SKAP2: variants seen among roughly 807,000 people sequenced by gnomAD.
SKAP2 encodes the protein src kinase-associated phosphoprotein 2.
SKAP2 carries 28 observed loss-of-function variants against 54.9 expected under a neutral mutation model. The observed-to-expected ratio is 0.51, with a 90% CI of 0.38 to 0.70. SKAP2 has a LOEUF of 0.70. Among genes scored for constraint, SKAP2 ranks in the 30% least tolerant of loss-of-function variants. SKAP2 has a pLI of 0.00. For synonymous variants in SKAP2, 137 were observed against 134.3 expected, an observed-to-expected ratio of 1.02 and a Z score of -0.14; for missense variants, 356 against 424.1, an observed-to-expected ratio of 0.84 and a Z score of 1.41.
rs373397210 is a variant in SKAP2 at position 26,731,588 on chromosome 7, C to T, written c.470-4582G>A. 8.3e-4 allele frequency among the ~76,000 whole-genome samples: 127 copies of T among 152,276 alleles called. 1 individual carries two copies. The highest frequency in any genetic ancestry group is 2.9e-3 in the African/African-American group (120 of 41,560). On this transcript the variant is annotated intron_variant, in intron 6 of 12. Transcript: ENST00000345317. ...CATTTTCAAAACTGTTTATCCAAAT[C>T]TTCATCTGCTCACTAAATATGTTTC...
chr7:26,687,345 A>C (rs965543933), intron 10 of SKAP2, among the ~76,000 whole-genome samples: 1 of 151,764 alleles, frequency 6.6e-6, no homozygotes, highest in African/African-American at 2.4e-5. Flanking sequence ...AAAAAGATGC[A>C]TTTTCAACTG....
intron 1 of SKAP2, 48 bp downstream of exon 1, chr7:26,864,314 TC>T: frequency 6.2e-7 from 1 of 1,611,478 alleles, no homozygotes; most frequent in Non-Finnish European, 8.5e-7. Flanking sequence ...GGCTCACCGT[TC>T]CCTCGCCCCC....
rs191640136 is a variant in SKAP2 at position 26,821,027 on chromosome 7, G to C, written c.307+23003C>G. ...TGTTCAAAGTCAGAGTGTCAAACCA[G>C]GATTAAACCCAGGTATATAGGATAC... is the stretch of plus-strand genomic sequence containing the variant. On this transcript the variant is annotated intron_variant, in intron 4 of 12. Coordinates refer to ENST00000345317, the MANE Select transcript of SKAP2 (RefSeq NM_003930.5). Among the ~76,000 whole-genome samples the C allele has an allele frequency of 5.9e-5, 9 of 152,182 alleles. No individual in the cohort carries two copies. The East Asian group carries it at 1.7e-3, about 29-fold the overall frequency.
chr7:26,716,450 G>A (rs1376709643), intron 9 of SKAP2, among the ~76,000 whole-genome samples: 1 of 152,094 alleles, frequency 6.6e-6, no homozygotes, highest in Non-Finnish European at 1.5e-5. Flanking sequence ...GAAATGCATG[G>A]TGTATTTATT....
At chr7:26,709,884 A>G (rs2127949552) in intron 9 of SKAP2, among the ~76,000 whole-genome samples, 1 of 152,320 alleles carries the variant, frequency 6.6e-6, no homozygotes, top group Admixed American at 6.5e-5. Flanking sequence ...GATTGATGAT[A>G]TAAGAGCTTT....
intron 4 of SKAP2, among the ~76,000 whole-genome samples, chr7:26,772,094 G>T (rs1385066212): frequency 1.3e-5 from 2 of 152,188 alleles, no homozygotes; most frequent in Non-Finnish European, 2.9e-5. Flanking sequence ...ATGCCAAATT[G>T]TAATAACTAT....
In SKAP2 at chr7:26,725,472, G is replaced by A; in HGVS notation, c.752C>T (p.Thr251Ile). Residue 251 changes from threonine (T) to isoleucine (I), a missense_variant, in exon 9 of 13, where the codon ACA becomes ATA. Physicochemically the swap from Thr to Ile is moderately conservative, Grantham distance 89. Coordinates refer to ENST00000345317, the MANE Select transcript of SKAP2 (RefSeq NM_003930.5). ...DHPLPISNPL[T>I]SSQPIDDEIY... Reference sequence around the variant, plus strand: ...TTCATCATCTATTGGTTGACTGCTTGTTAGTGGATTGCTTATTGGTAGAGG... The same window carrying A: ...TTCATCATCTATTGGTTGACTGCTTATTAGTGGATTGCTTATTGGTAGAGG... 1.9e-6 allele frequency: 3 copies of A among 1,612,036 alleles called. No individual in the cohort carries two copies. Among genetic ancestry groups the A allele is most frequent in the Non-Finnish European group, 2.5e-6 (3 of 1,179,350 alleles).
intron 4 of SKAP2, among the ~76,000 whole-genome samples, chr7:26,765,761 C>CA (rs1447633105): frequency 2.6e-5 from 4 of 152,118 alleles, no homozygotes; most frequent in African/African-American, 9.7e-5. Context: ...TCAGGTTTGT[C>CA]AAAGAGCAGA....
chr7:26,737,041 T>C (rs1361747857), intron 6 of SKAP2, among the ~76,000 whole-genome samples: 1 of 152,170 alleles, frequency 6.6e-6, no homozygotes, highest in African/African-American at 2.4e-5. Context: ...GACCTAACCA[T>C]TGTTATATGC....
At chr7:26,766,151 C>A (rs1026211603) in intron 4 of SKAP2, among the ~76,000 whole-genome samples, 2 of 152,176 alleles carry the variant, frequency 1.3e-5, no homozygotes, top group Admixed American at 6.5e-5. Context: ...TTTCCTTGAG[C>A]AGTGGTTTGT....
At chr7:26,670,366 G>A (rs1226795481) in intron 11 of SKAP2, among the ~76,000 whole-genome samples, 174 bp from the exon 12 acceptor site, 14 of 152,038 alleles carry the variant, frequency 9.2e-5, no homozygotes, top group Non-Finnish European at 8.8e-5. Flanking sequence ...GTTAGGCAAC[G>A]ATTTAAATTA....
intron 4 of SKAP2, among the ~76,000 whole-genome samples, chr7:26,828,570 G>A (rs1478009739): frequency 1.3e-5 from 2 of 151,554 alleles, no homozygotes; most frequent in East Asian, 1.9e-4. Flanking sequence ...CCAGCTACTC[G>A]GGAGGCTGAG....
At position 26,844,030 on chromosome 7, in the gene SKAP2, C is replaced by T; in HGVS notation, c.307G>A (p.Gly103Arg). 1 of 1,578,256 alleles carries T rather than the reference C, an allele frequency of 6.3e-7. No homozygotes were observed. The highest frequency in any genetic ancestry group is 8.7e-7 in the Non-Finnish European group (1 of 1,148,640). The change falls in exon 4 of 13, where the codon GGA (glycine) becomes AGA (arginine). Residue 103 changes from glycine (G) to arginine (R), a missense_variant and splice_region_variant. By Grantham distance (125) the Gly-to-Arg change is moderately radical. Transcript: ENST00000345317. ...YDKDDEAPSD[G>R]AQFPPIAAQD... The stretch of plus-strand genomic sequence containing the variant: ...AGTTACGTGGGAAAATGTCACATAC[C>T]ATCAGAGGGGGCTTCATCGTCTTTA...
chr7:26,813,458 G>T (rs1784199411), intron 4 of SKAP2, among the ~76,000 whole-genome samples: 1 of 152,162 alleles, frequency 6.6e-6, no homozygotes, highest in South Asian at 2.1e-4. Context: ...TCTTTTGTCT[G>T]TCAATCAACA....
At chr7:26,740,421 T>G (rs184094357) in intron 4 of SKAP2, among the ~76,000 whole-genome samples, 31 of 152,342 alleles carry the variant, frequency 2.0e-4, no homozygotes, top group African/African-American at 6.7e-4. Flanking sequence ...CTTGTTTCTC[T>G]GAGCCCACAG....
At chr7:26,660,936 G>A in the SKAP2 span, among the ~76,000 whole-genome samples, 10 of 151,984 alleles carry the variant, frequency 6.6e-5, no homozygotes, top group African/African-American at 7.2e-5. Flanking sequence ...ACTACATCAC[G>A]CTATAGATTA....
chr7:26,729,831 T>C (rs1787785334), intron 6 of SKAP2, among the ~76,000 whole-genome samples: 2 of 152,128 alleles, frequency 1.3e-5, no homozygotes, highest in South Asian at 4.1e-4. Flanking sequence ...AGACATAATA[T>C]AGCAAAAGAA....
chr7:26,791,735 G>A lies in SKAP2; in HGVS notation c.308-51771C>T, dbSNP rs1584392138. Among the ~76,000 whole-genome samples, 4 of 152,286 alleles carry A rather than the reference G, an allele frequency of 2.6e-5. No individual in the cohort carries two copies. The South Asian group carries it at 8.3e-4, about 32-fold the overall frequency. On this transcript the variant is annotated intron_variant, in intron 4 of 12. Coordinates refer to ENST00000345317, the MANE Select transcript of SKAP2 (RefSeq NM_003930.5). The stretch of plus-strand genomic sequence containing the variant: ...AATACAAATGAAGAAAGGTGAAAAT[G>A]CAAAGCAACTGTTATTTTCATTGCT...
intron 3 of SKAP2, among the ~76,000 whole-genome samples, chr7:26,845,846 C>T (rs917119463): frequency 2.6e-5 from 4 of 152,146 alleles, no homozygotes; most frequent in South Asian, 2.1e-4. Context: ...GTAAGAGGAC[C>T]GCTTGAGCCC....
Sources: allele counts gnomAD v4.1 joint callset (sites outside exome capture counted in the v4.1 genomes callset), GRCh38; gene constraint gnomAD v4.1.1; transcripts MANE v1.5; gene names NCBI Gene and HGNC (gene_info 2026-07-23, HGNC 2026-07-21).